The following STXBP5L variants were observed in gnomAD, a reference collection of about 807,000 sequenced individuals.
STXBP5L encodes the protein syntaxin binding protein 5L.
STXBP5L carries 65 observed loss-of-function variants against 144.5 expected under a neutral mutation model. The ratio of observed to expected loss-of-function variants is 0.45; its 90% CI spans 0.37 to 0.55. The LOEUF (loss-of-function observed/expected upper bound fraction) is 0.55, where lower values mean the gene tolerates loss of function less well. STXBP5L is among the 20% of genes least tolerant of loss of function. The pLI is 0.00. For synonymous variants in STXBP5L, 505 were observed against 469.6 expected, an observed-to-expected ratio of 1.08 and a Z score of -0.97; for missense variants, 1,298 against 1,405.5, an observed-to-expected ratio of 0.92 and a Z score of 1.22.
chr3:121,337,728 C>T (rs1291813647), intron 20 of STXBP5L, among the ~76,000 whole-genome samples: 2 of 152,078 alleles, frequency 1.3e-5, no homozygotes, highest in East Asian at 1.9e-4. Flanking sequence ...ATTTACAGGA[C>T]ATTTTACTCA....
At chr3:121,059,207 C>T (rs1948652950) in intron 5 of STXBP5L, among the ~76,000 whole-genome samples, 1 of 152,134 alleles carries the variant, frequency 6.6e-6, no homozygotes, top group Admixed American at 6.5e-5. Flanking sequence ...CCAGTTTTCC[C>T]AACACCATTT....
chr3:120,973,979 A>G (rs1242568376), intron 3 of STXBP5L, among the ~76,000 whole-genome samples: 6 of 152,024 alleles, frequency 3.9e-5, no homozygotes, highest in Admixed American at 6.6e-5. Flanking sequence ...CTTTGCTATT[A>G]TGAATAGTGC....
chr3:121,348,257 G>T (rs946629993), intron 20 of STXBP5L, among the ~76,000 whole-genome samples: 1 of 152,034 alleles, frequency 6.6e-6, no homozygotes, highest in Non-Finnish European at 1.5e-5. Flanking sequence ...GCTGGGTTAT[G>T]TTTATTGACT....
chr3:120,977,197 A>T (rs755939390), intron 3 of STXBP5L, among the ~76,000 whole-genome samples: 1 of 152,158 alleles, frequency 6.6e-6, no homozygotes, highest in Non-Finnish European at 1.5e-5. Flanking sequence ...TTTGTAGGTC[A>T]GTAAGGACTT....
At chr3:121,013,256 T>C (rs1323086024) in intron 3 of STXBP5L, among the ~76,000 whole-genome samples, 2 of 151,998 alleles carry the variant, frequency 1.3e-5, no homozygotes, top group East Asian at 3.9e-4. Context: ...GTTTTTACTT[T>C]GAGAAATCTC....
chr3:121,337,533 C>A (rs1259461969), intron 20 of STXBP5L, among the ~76,000 whole-genome samples: 1 of 151,466 alleles, frequency 6.6e-6, no homozygotes, highest in Non-Finnish European at 1.5e-5. Context: ...TTACTTACTC[C>A]TTACTATGGA....
chr3:121,262,915 C>T (rs1272822886), intron 18 of STXBP5L, among the ~76,000 whole-genome samples: 5 of 152,228 alleles, frequency 3.3e-5, no homozygotes, highest in Non-Finnish European at 7.3e-5. Flanking sequence ...AATGTTCCTG[C>T]CTGCTGGCTC....
At chr3:120,966,811 G>A (rs1432197606) in intron 3 of STXBP5L, among the ~76,000 whole-genome samples, 2 of 152,146 alleles carry the variant, frequency 1.3e-5, no homozygotes, top group Non-Finnish European at 2.9e-5. Context: ...GCTGTGCTGG[G>A]AGAATCACTG....
At chr3:120,946,779 A>AT (rs1248693435) in intron 2 of STXBP5L, among the ~76,000 whole-genome samples, 4 of 151,782 alleles carry the variant, frequency 2.6e-5, no homozygotes, top group Non-Finnish European at 5.9e-5. Flanking sequence ...AAATATTCAG[A>AT]TTTTTTTGGT....
At chr3:121,006,742 C>T (rs1034163506) in intron 3 of STXBP5L, among the ~76,000 whole-genome samples, 8 of 152,074 alleles carry the variant, frequency 5.3e-5, no homozygotes, top group Non-Finnish European at 7.4e-5. Flanking sequence ...TTAGGGCAGG[C>T]CTGGTGGTGA....
intron 10 of STXBP5L, among the ~76,000 whole-genome samples, chr3:121,206,514 A>T (rs1464673884): frequency 6.6e-6 from 1 of 152,192 alleles, no homozygotes; most frequent in African/African-American, 2.4e-5. Context: ...TTTGTGTTTA[A>T]AGTAGCTATA....
At chr3:121,135,845 C>A (rs2107917628) in intron 7 of STXBP5L, among the ~76,000 whole-genome samples, 1 of 152,306 alleles carries the variant, frequency 6.6e-6, no homozygotes, top group African/African-American at 2.4e-5. Context: ...ATCCAATGGG[C>A]TGAAGTTCCA....
chr3:121,143,379 A>C (rs1056884035), intron 7 of STXBP5L, among the ~76,000 whole-genome samples: 1 of 151,800 alleles, frequency 6.6e-6, no homozygotes, highest in African/African-American at 2.4e-5. Context: ...ATCACAAGAA[A>C]ATAAAACTGT....
intron 5 of STXBP5L, among the ~76,000 whole-genome samples, chr3:121,049,061 G>T (rs1463025764): frequency 1.3e-5 from 2 of 152,208 alleles, no homozygotes; most frequent in Non-Finnish European, 2.9e-5. Flanking sequence ...GCACAGAGCT[G>T]CTACTAGCCT....
rs1303511018 is a variant in STXBP5L, at chr3:121,418,563, C to T, written c.3447+6C>T. 1.2e-6 allele frequency: 2 copies of T among 1,613,454 alleles called. No individual in the cohort carries two copies. Among genetic ancestry groups the T allele is most frequent in the Admixed American group, 1.7e-5 (1 of 59,972 alleles). ...TTTCCAAACATGCACATGAGGTAAA[C>T]TGCCTAAGTAAATACAGACATCTTC... On this transcript the variant is annotated splice_donor_region_variant and intron_variant, in intron 26 of 26. Transcript: ENST00000471454.
At chr3:121,114,022 T>G (rs778529425) in intron 5 of STXBP5L, among the ~76,000 whole-genome samples, 2 of 152,268 alleles carry the variant, frequency 1.3e-5, no homozygotes, top group Non-Finnish European at 2.9e-5. Context: ...TGGAAATATG[T>G]CATTCACATT....
intron 2 of STXBP5L, among the ~76,000 whole-genome samples, chr3:120,939,602 G>A (rs79692771): frequency 1.6e-4 from 24 of 152,092 alleles, no homozygotes; most frequent in Non-Finnish European, 3.1e-4. Flanking sequence ...CAAGTGTGTA[G>A]CTCATGAGGG....
chr3:121,096,985 G>A (rs896173625), intron 5 of STXBP5L, among the ~76,000 whole-genome samples: 1 of 152,186 alleles, frequency 6.6e-6, no homozygotes, highest in Non-Finnish European at 1.5e-5. Flanking sequence ...GGGACATGGG[G>A]GTTTTGTCTA....
rs190861713 is a variant in STXBP5L at position 120,958,933 on chromosome 3, A to G, written c.287+3896A>G. 9.1e-3 allele frequency among the ~76,000 whole-genome samples: 1,382 copies of G among 152,190 alleles called. 10 individuals carry two copies. Among genetic ancestry groups the G allele is most frequent in the Non-Finnish European group, 0.014 (959 of 67,944 alleles). On this transcript the variant is annotated intron_variant, in intron 3 of 26. Coordinates refer to ENST00000471454, the MANE Select transcript of STXBP5L (RefSeq NM_001308330.2). ...AATTAGGCAGGAGAAGGAAATAAAG[A>G]GTATTCAATTAGGAAAAGAGGAATT...
Sources: allele counts gnomAD v4.1 joint callset (sites outside exome capture counted in the v4.1 genomes callset), GRCh38; gene constraint gnomAD v4.1.1; transcripts MANE v1.5; gene names NCBI Gene and HGNC (gene_info 2026-07-23, HGNC 2026-07-21).